The following PKD2L2 variants were observed in gnomAD, a reference collection of about 807,000 sequenced individuals.
PKD2L2 encodes polycystin-2-like protein 2.
Under a neutral mutation model 83.9 loss-of-function variants are expected in PKD2L2, and 67 were observed. That is an observed-to-expected ratio of 0.80 (90% CI 0.66 to 0.98). PKD2L2 has a LOEUF of 0.98. Ranked by LOEUF, PKD2L2 falls within the 50% of genes least tolerant of loss-of-function variation. The probability of loss-of-function intolerance (pLI) is 0.00; values close to 1 mark genes in which losing one functional copy is unlikely to be tolerated. For synonymous variants in PKD2L2, 223 were observed against 237.8 expected (o/e 0.94, Z 0.57); for missense variants, 632 against 717.2 (o/e 0.88, Z 1.36).
chr5:137,893,110 C>G (rs917619239), intron 3 of PKD2L2, among the ~76,000 whole-genome samples: 1 of 152,066 alleles, frequency 6.6e-6, no homozygotes, highest in Non-Finnish European at 1.5e-5. Flanking sequence ...ATTCTCATTT[C>G]ATTTGTTAAA....
chr5:137,941,062 C>T (rs1028470205), intron 14 of PKD2L2, among the ~76,000 whole-genome samples: 11 of 152,108 alleles, frequency 7.2e-5, no homozygotes, highest in Admixed American at 2.0e-4. Flanking sequence ...CCCGCCACCA[C>T]GCCTGCCTAA....
intron 5 of PKD2L2, among the ~76,000 whole-genome samples, chr5:137,900,696 A>T (rs1221448134): frequency 2.0e-5 from 3 of 152,194 alleles, no homozygotes; most frequent in Non-Finnish European, 4.4e-5. Flanking sequence ...TGTGAAATTC[A>T]TGAAGCCATT....
In PKD2L2 at chr5:137,900,036, A is replaced by T. The variant is rs77241153; in HGVS notation, c.746+299A>T. The stretch of plus-strand genomic sequence containing the variant: ...ATTTTATTGTTTACTATCACAAAGT[A>T]TACACAAATCTATTATAAGAAGTTA... On this transcript the variant is annotated intron_variant, in intron 5 of 14. Coordinates refer to ENST00000508883, the MANE Select transcript of PKD2L2 (RefSeq NM_001300921.2). Among the ~76,000 whole-genome samples the T allele has an allele frequency of 6.5e-3, 983 of 152,366 alleles. 33 individuals are homozygous for T. The East Asian group carries it at 0.12, about 19-fold the overall frequency.
intron 8 of PKD2L2, among the ~76,000 whole-genome samples, chr5:137,917,052 A>G (rs1473155526): frequency 1.3e-5 from 2 of 152,072 alleles, no homozygotes; most frequent in Non-Finnish European, 1.5e-5. Flanking sequence ...CATTTCTTCA[A>G]ATAATCTCTC....
At chr5:137,927,630 T>C (rs78908611) in intron 12 of PKD2L2, among the ~76,000 whole-genome samples, 1,732 of 152,328 alleles carry the variant, frequency 0.011, 28 homozygotes, top group African/African-American at 0.04. Context: ...GATGTCCTTG[T>C]ATGCAGGAAA....
chr5:137,921,355 T>C (rs1758879561), intron 8 of PKD2L2, among the ~76,000 whole-genome samples: 1 of 56,244 alleles, frequency 1.8e-5, no homozygotes, highest in South Asian at 1.1e-3. Context: ...AGTTTGACTG[T>C]CTCAAAGAAA....
chr5:137,912,702 C>A (rs914620986), intron 8 of PKD2L2, among the ~76,000 whole-genome samples: 5 of 151,664 alleles, frequency 3.3e-5, no homozygotes, highest in African/African-American at 1.2e-4. Flanking sequence ...TGATGTTGAC[C>A]ATTTTTTCAT....
intron 8 of PKD2L2, 91 bp from the exon 9 acceptor site, chr5:137,921,545 T>A (rs929471661): frequency 1.3e-6 from 1 of 778,492 alleles, no homozygotes; most frequent in East Asian, 2.5e-5. Flanking sequence ...CATATGCTGC[T>A]AGATATCCTC....
chr5:137,941,801 A>G, intron 14 of PKD2L2: 1 of 654,864 alleles, frequency 1.5e-6, no homozygotes, highest in Non-Finnish European at 2.6e-6. Flanking sequence ...AGGGCCTCAG[A>G]GCATAAAGGA....
At chr5:137,934,996 C>T (rs1359365256) in intron 12 of PKD2L2, among the ~76,000 whole-genome samples, 1 of 152,198 alleles carries the variant, frequency 6.6e-6, no homozygotes, top group Admixed American at 6.5e-5. Context: ...TGGCACTAGG[C>T]ATCACCATCC....
At chr5:137,890,655 T>TA in intron 2 of PKD2L2, 73 bp downstream of exon 2, 1 of 657,680 alleles carries the variant, frequency 1.5e-6, no homozygotes, top group Non-Finnish European at 2.5e-6. Flanking sequence ...AAATAAAACA[T>TA]ACAAACTTCA....
rs372950506 is a variant in PKD2L2 at position 137,928,598 on chromosome 5, A to T, written c.1671+2669A>T. Among the ~76,000 whole-genome samples, 39 of 152,158 alleles carry T rather than the reference A, an allele frequency of 2.6e-4. No homozygotes were observed. The South Asian group carries it at 6.2e-3, about 24-fold the overall frequency. ...AGGCATGCGCCATCACACCCAGCTA[A>T]ATTTTGTGTTTTTTGTACAGATGAG... On this transcript the variant is annotated intron_variant, in intron 12 of 14. Transcript: ENST00000508883.
chr5:137,936,538 C>A (rs1416495713), intron 14 of PKD2L2, 111 bp downstream of exon 14: 5 of 754,324 alleles, frequency 6.6e-6, no homozygotes, highest in Non-Finnish European at 1.0e-5. Context: ...TCACTGCAAA[C>A]TCCACCTCCC....
At chr5:137,936,872 C>T (rs1418507605) in intron 14 of PKD2L2, among the ~76,000 whole-genome samples, 2 of 152,206 alleles carry the variant, frequency 1.3e-5, no homozygotes, top group African/African-American at 4.8e-5. Flanking sequence ...TGAAGTGCCT[C>T]TGACAGGGAC....
chr5:137,901,627 G>T (rs1346750942), intron 5 of PKD2L2, among the ~76,000 whole-genome samples: 1 of 152,128 alleles, frequency 6.6e-6, no homozygotes, highest in Non-Finnish European at 1.5e-5. Flanking sequence ...CAACAAGAAG[G>T]CCTGGACAAT....
intron 12 of PKD2L2, 76 bp downstream of exon 12, chr5:137,926,005 GA>G (rs1264501734): frequency 5.6e-6 from 4 of 717,130 alleles, no homozygotes; most frequent in Non-Finnish European, 7.2e-6. Flanking sequence ...CTCTGGTTAA[GA>G]ATTGAAATGA....
chr5:137,923,401 T>C lies in PKD2L2; in HGVS notation c.1450-19T>C, dbSNP rs1273854198. Reference sequence around the variant, plus strand: ...AACTAAATTTTTATTGAAATAATTATTTGAATACTTATCCCTAGAATATGT... The same window carrying C: ...AACTAAATTTTTATTGAAATAATTACTTGAATACTTATCCCTAGAATATGT... On this transcript the variant is annotated intron_variant, in intron 9 of 14. Coordinates refer to ENST00000508883, the MANE Select transcript of PKD2L2 (RefSeq NM_001300921.2). The C allele has an allele frequency of 1.9e-6, 2 of 1,047,496 alleles. No homozygotes were observed. The highest frequency in any genetic ancestry group is 1.6e-5 in the African/African-American group (1 of 63,030). 64.9% of individuals were successfully genotyped at this position (1,047,496 alleles called of 1,614,324 possible). A position where few individuals can be genotyped will look rare whatever the true frequency, so the allele number is the denominator to read the frequency against.
At position 137,899,445 on chromosome 5, in the gene PKD2L2, C is replaced by A. The variant is rs1273692073; in HGVS notation, c.525-71C>A. ...AAACTACTACTTTTGAACCAAAGAT[C>A]GATTTAAATTCTTAGAATACTTCTC... On this transcript the variant is annotated intron_variant, in intron 4 of 14. Transcript: ENST00000508883. The A allele has an allele frequency of 5.2e-5, 55 of 1,067,080 alleles. No homozygotes were observed. In the East Asian group the frequency reaches 1.2e-3, roughly 24 times the overall value. 66.1% of individuals were successfully genotyped at this position (1,067,080 alleles called of 1,614,324 possible). A position where few individuals can be genotyped will look rare whatever the true frequency, so the allele number is the denominator to read the frequency against.
intron 14 of PKD2L2, 65 bp downstream of exon 14, chr5:137,936,492 AAC>A (rs1288584267): frequency 1.5e-5 from 20 of 1,379,120 alleles, no homozygotes; most frequent in African/African-American, 5.8e-5. Context: ...GTCTCGCTCT[AAC>A]GCCCAGGCTG....
Sources: gnomAD v4.1 joint callset for allele counts (sites outside exome capture counted in the v4.1 genomes callset) on GRCh38, gnomAD v4.1.1 for gene constraint, MANE v1.5 for transcripts, NCBI Gene and HGNC (gene_info 2026-07-23, HGNC 2026-07-21) for gene names.